The following PIEZO2 variants were observed in gnomAD, a reference collection of about 807,000 sequenced individuals.
PIEZO2 encodes piezo type mechanosensitive ion channel component 2.
Under a neutral mutation model 337.3 loss-of-function variants are expected in PIEZO2, and 172 were observed. The observed-to-expected ratio is 0.51, with a 90% confidence interval of 0.45 to 0.58. PIEZO2 has a LOEUF of 0.58. PIEZO2 is among the 20% of genes least tolerant of loss of function. The pLI is 0.00. For synonymous variants in PIEZO2, 1,251 were observed against 1,228.5 expected, an observed-to-expected ratio of 1.02 and a Z score of -0.38; for missense variants, 3,028 against 3,391.3, an observed-to-expected ratio of 0.89 and a Z score of 2.66.
rs952676749 is a variant in PIEZO2 at position 11,112,608 on chromosome 18, C to T, written c.64+35917G>A. On this transcript the variant is annotated intron_variant, in intron 1 of 55. Transcript: ENST00000674853. This position sits in a 1 kb window ranked among gnomAD's most constrained non-coding sequence, Gnocchi z 4.3. Reference sequence around the variant, plus strand: ...ACATTGCATACTAGTCAGAGGCTCACCAGGGTTGTAAAGAAGACTTACACA... The same window carrying T: ...ACATTGCATACTAGTCAGAGGCTCATCAGGGTTGTAAAGAAGACTTACACA... Among the ~76,000 whole-genome samples the T allele has an allele frequency of 6.6e-6, 1 of 152,162 alleles. No individual in the cohort carries two copies. Among genetic ancestry groups the T allele is most frequent in the Non-Finnish European group, 1.5e-5 (1 of 68,036 alleles).
Position 11,009,303 on chromosome 18 carries a change from T to A in PIEZO2, c.161-29643A>T, listed in dbSNP as rs541775054. 2.9e-4 allele frequency among the ~76,000 whole-genome samples: 44 copies of A among 152,336 alleles called. No individual in the cohort carries two copies. Among genetic ancestry groups the A allele is most frequent in the African/African-American group, 1.0e-3 (42 of 41,582 alleles). On this transcript the variant is annotated intron_variant, in intron 2 of 55. Coordinates refer to ENST00000674853, the MANE Select transcript of PIEZO2 (RefSeq NM_001378183.1). This position sits in a 1 kb window ranked among gnomAD's most constrained non-coding sequence, Gnocchi z 4.6. ...GATGTGCATTGAAGCCCCTTGGGAA[T>A]CTTTAAGAATAGGATGGATGTCCAG...
At position 10,696,610 on chromosome 18, in the gene PIEZO2, A is replaced by G. The variant is rs1355604545; in HGVS notation, c.6828-71T>C. On this transcript the variant is annotated intron_variant, in intron 45 of 55. Transcript: ENST00000674853. ...GGCAGGATGGCAGAAATGACCAGACACTGCCATCATGCCACTCCTCTGCAT... is the reference window on the plus strand; with the variant it reads ...GGCAGGATGGCAGAAATGACCAGACGCTGCCATCATGCCACTCCTCTGCAT... 3.8e-5 allele frequency: 58 copies of G among 1,542,456 alleles called. No homozygotes were observed. In the East Asian group the frequency reaches 4.5e-4, roughly 12 times the overall value.
intron 2 of PIEZO2, among the ~76,000 whole-genome samples, chr18:11,063,702 T>G (rs2038051349): frequency 1.3e-5 from 2 of 152,214 alleles, no homozygotes; most frequent in Non-Finnish European, 2.9e-5. Flanking sequence ...CTAAGGCTGA[T>G]TCAAACTTAT....
chr18:10,991,070 ATT>A (rs1422097599), intron 2 of PIEZO2, among the ~76,000 whole-genome samples: 3 of 151,638 alleles, frequency 2.0e-5, no homozygotes, highest in Non-Finnish European at 4.4e-5. Context: ...AAGAATTGAT[ATT>A]GTTTATTTAT....
chr18:10,900,022 T>C (rs551958319), intron 4 of PIEZO2, among the ~76,000 whole-genome samples: 4 of 152,210 alleles, frequency 2.6e-5, no homozygotes, highest in Non-Finnish European at 5.9e-5. Flanking sequence ...GAAGGATTGC[T>C]TATTTTTGCT....
At chr18:11,000,919 A>G (rs2035510068) in intron 2 of PIEZO2, among the ~76,000 whole-genome samples, 1 of 152,116 alleles carries the variant, frequency 6.6e-6, no homozygotes, top group African/African-American at 2.4e-5. Flanking sequence ...GAATTGAGGG[A>G]AAGGTGCTGA....
chr18:10,724,394 G>A lies in PIEZO2; in HGVS notation c.5030-6135C>T, dbSNP rs2036440808. Among the ~76,000 whole-genome samples, 1 of 152,122 alleles carries A rather than the reference G, an allele frequency of 6.6e-6. No homozygotes were observed. The highest frequency in any genetic ancestry group is 2.4e-5 in the African/African-American group (1 of 41,418). On this transcript the variant is annotated intron_variant, in intron 36 of 55. Coordinates refer to ENST00000674853, the MANE Select transcript of PIEZO2 (RefSeq NM_001378183.1). This position sits in a 1 kb window ranked among gnomAD's most constrained non-coding sequence, Gnocchi z 5.8. ...AACGAAAACAAAAGTGCTTTCTCCTGGCCCAGCATACTTGGGTGAAGTCTG... is the reference window on the plus strand; with the variant it reads ...AACGAAAACAAAAGTGCTTTCTCCTAGCCCAGCATACTTGGGTGAAGTCTG...
chr18:10,986,954 T>C (rs1041400365), intron 2 of PIEZO2, among the ~76,000 whole-genome samples: 2 of 151,848 alleles, frequency 1.3e-5, no homozygotes, highest in Non-Finnish European at 2.9e-5. Context: ...ACAAAACGAC[T>C]TACAATAGCA....
intron 2 of PIEZO2, among the ~76,000 whole-genome samples, chr18:11,011,493 A>C (rs2625354): frequency 0.54 from 81,672 of 152,002 alleles, 22,216 homozygotes; most frequent in African/African-American, 0.6. Context: ...CCCATGGCTA[A>C]CATAGCTAAT....
At chr18:10,976,723 A>T (rs2034453438) in intron 3 of PIEZO2, among the ~76,000 whole-genome samples, 1 of 152,198 alleles carries the variant, frequency 6.6e-6, no homozygotes, top group Non-Finnish European at 1.5e-5. Flanking sequence ...GTATGAATAA[A>T]AACTGTCTTT....
Position 11,080,125 on chromosome 18 carries a change from C to G in PIEZO2, c.65-13903G>C, listed in dbSNP as rs141990057. ...ACTCCTAACCACTCCACACTGCTAC[C>G]TCTCTCATCTACACAGAAAACACCT... On this transcript the variant is annotated intron_variant, in intron 1 of 55. Coordinates refer to ENST00000674853, the MANE Select transcript of PIEZO2 (RefSeq NM_001378183.1). This position sits in a 1 kb window ranked among gnomAD's most constrained non-coding sequence, Gnocchi z 5.4. Among the ~76,000 whole-genome samples, 2 of 152,308 alleles carry G rather than the reference C, an allele frequency of 1.3e-5. No homozygotes were observed. Among genetic ancestry groups the G allele is most frequent in the Admixed American group, 1.3e-4 (2 of 15,300 alleles).
At chr18:11,051,576 A>G (rs1271218044) in intron 2 of PIEZO2, among the ~76,000 whole-genome samples, 1 of 152,124 alleles carries the variant, frequency 6.6e-6, no homozygotes, top group African/African-American at 2.4e-5. Context: ...CTGTCCATCT[A>G]CTCCAGCCTG....
At chr18:10,700,067 TATAAAC>T (rs958084465) in intron 43 of PIEZO2, among the ~76,000 whole-genome samples, 4 of 152,188 alleles carry the variant, frequency 2.6e-5, no homozygotes, top group African/African-American at 9.7e-5. Context: ...AATGTATTCT[TATAAAC>T]ATAACAAACA....
In PIEZO2 at chr18:10,759,915, TA is replaced by T; in HGVS notation, c.3451-7del. ...ACTGACATTAGGAAACAGGTCTGTG[TA>T]AAGATGAAAAGAGGCAAAAAAAAAA... On this transcript the variant is annotated splice_polypyrimidine_tract_variant and splice_region_variant and intron_variant, in intron 24 of 55. Coordinates refer to ENST00000674853, the MANE Select transcript of PIEZO2 (RefSeq NM_001378183.1). This position sits in a 1 kb window ranked among gnomAD's most constrained non-coding sequence, Gnocchi z 5.5. The T allele has an allele frequency of 6.5e-7, 1 of 1,534,100 alleles. No individual in the cohort carries two copies. Among genetic ancestry groups the T allele is most frequent in the Non-Finnish European group, 8.7e-7 (1 of 1,144,348 alleles).
Position 11,129,877 on chromosome 18 carries a change from C to T in PIEZO2, c.64+18648G>A, listed in dbSNP as rs1266472311. 6.6e-6 allele frequency among the ~76,000 whole-genome samples: 1 copy of T among 152,158 alleles called. No individual in the cohort carries two copies. The highest frequency in any genetic ancestry group is 1.5e-5 in the Non-Finnish European group (1 of 68,030). ...TAATTAATGGAGTTTTAGCTCAGGG[C>T]TGACTTACAGTGGATCCAGTGGGTC... On this transcript the variant is annotated intron_variant, in intron 1 of 55. Coordinates refer to ENST00000674853, the MANE Select transcript of PIEZO2 (RefSeq NM_001378183.1). This position sits in a 1 kb window ranked among gnomAD's most constrained non-coding sequence, Gnocchi z 4.6.
chr18:10,876,100 G>A lies in PIEZO2; in HGVS notation c.330-4685C>T, dbSNP rs2042261606. On this transcript the variant is annotated intron_variant, in intron 4 of 55. Transcript: ENST00000674853. ...AAACAGGTCATAGTCTGACTGATAT[G>A]TCATTTGGAGACCATCTTATCAATT... 2.0e-5 allele frequency among the ~76,000 whole-genome samples: 3 copies of A among 152,364 alleles called. No individual in the cohort carries two copies. The South Asian group carries it at 6.2e-4, about 32-fold the overall frequency.
In PIEZO2 at chr18:11,094,568, C is replaced by G. The variant is rs1412863310; in HGVS notation, c.65-28346G>C. On this transcript the variant is annotated intron_variant, in intron 1 of 55. Transcript: ENST00000674853. The surrounding 1 kb of genome is among the most constrained non-coding windows in gnomAD (Gnocchi z 4.4). ...TCGCTAATTAATAAGTGCAGGCACT[C>G]AGAAGCCTCGCTGTCCCCTCTCTGA... 2.0e-5 allele frequency among the ~76,000 whole-genome samples: 3 copies of G among 152,160 alleles called. No homozygotes were observed. The highest frequency in any genetic ancestry group is 4.4e-5 in the Non-Finnish European group (3 of 68,040).
chr18:11,065,756 A>C (rs959884056), intron 2 of PIEZO2, among the ~76,000 whole-genome samples: 3 of 152,216 alleles, frequency 2.0e-5, no homozygotes, highest in Non-Finnish European at 4.4e-5. Flanking sequence ...TCCAGTTGCC[A>C]CCACACTCTC....
chr18:10,675,198 C>A lies in PIEZO2; in HGVS notation c.8161+11G>T. 6.6e-7 allele frequency: 1 copy of A among 1,509,550 alleles called. No individual in the cohort carries two copies. The highest frequency in any genetic ancestry group is 1.2e-5 in the South Asian group (1 of 81,878). 93.5% of individuals were successfully genotyped at this position (1,509,550 alleles called of 1,614,324 possible). On this transcript the variant is annotated intron_variant, in intron 54 of 55. Transcript: ENST00000674853. ...GAAAACAATTCTGAAACAAATTTTTCTCATTCTTACCAGATAAAAGTTGCT... is the reference window on the plus strand; with the variant it reads ...GAAAACAATTCTGAAACAAATTTTTATCATTCTTACCAGATAAAAGTTGCT...
Sources: allele counts gnomAD v4.1 joint callset (sites outside exome capture counted in the v4.1 genomes callset), GRCh38; gene constraint gnomAD v4.1.1; non-coding constraint Gnocchi (gnomAD v3.1); transcripts MANE v1.5; gene names NCBI Gene and HGNC (gene_info 2026-07-23, HGNC 2026-07-21).